Variants in UBAP2 observed in about 807,000 individuals in gnomAD.
UBAP2 encodes ubiquitin-associated protein 2.
Under a neutral mutation model 139.6 loss-of-function variants are expected in UBAP2, and 75 were observed. The ratio of observed to expected loss-of-function variants is 0.54; its 90% CI spans 0.45 to 0.65. The LOEUF is 0.65. UBAP2 is among the 30% of genes least tolerant of loss of function. UBAP2 has a pLI of 0.00. For missense variants in UBAP2, 1,368 were observed against 1,369.6 expected (o/e 1.00, Z 0.02); for synonymous variants, 526 against 526.2 (o/e 1.00, Z 0.01).
intron 1 of UBAP2, among the ~76,000 whole-genome samples, chr9:34,044,366 A>G (rs976613252): frequency 4.6e-5 from 7 of 151,020 alleles, no homozygotes; most frequent in African/African-American, 1.7e-4. Context: ...GCGCCACTGC[A>G]CTCCAGCCTG....
Position 33,923,979 on chromosome 9 carries a change from C to A in UBAP2, c.2612G>T (p.Arg871Leu), listed in dbSNP as rs746060246. Residue 871 changes from arginine (R) to leucine (L), a missense_variant, in exon 24 of 29, where the codon CGT becomes CTT. Physicochemically the swap from Arg to Leu is moderately radical, Grantham distance 102. Transcript: ENST00000379238. ...PYPGDVTKFG[R>L]GDSASPAPAT... ...GGGTGCAGGGGATGCAGAGTCCCCA[C>A]GGCCAAACTTTGTGACATCACCTAG... The A allele has an allele frequency of 2.5e-6, 4 of 1,613,846 alleles. No homozygotes were observed. The highest frequency in any genetic ancestry group is 3.3e-5 in the Admixed American group (2 of 60,016).
intron 6 of UBAP2, among the ~76,000 whole-genome samples, chr9:33,978,043 T>C (rs1393114069): frequency 1.4e-5 from 2 of 147,358 alleles, no homozygotes; most frequent in Admixed American, 6.8e-5. Flanking sequence ...AAAAGACTGA[T>C]CTGTAATCCC....
At chr9:33,964,929 AT>A (rs1479967394) in intron 8 of UBAP2, among the ~76,000 whole-genome samples, 1 of 152,122 alleles carries the variant, frequency 6.6e-6, no homozygotes, top group African/African-American at 2.4e-5. Context: ...GGAATTTTTC[AT>A]TTCCTTTAAA....
intron 1 of UBAP2, among the ~76,000 whole-genome samples, chr9:34,038,651 C>T (rs903763529): frequency 3.9e-5 from 6 of 152,140 alleles, no homozygotes; most frequent in African/African-American, 9.7e-5. Flanking sequence ...ACCTCCCACC[C>T]GCCTGCCTTG....
intron 13 of UBAP2, 145 bp from the exon 14 acceptor site, chr9:33,944,784 C>A: frequency 1.1e-6 from 1 of 949,222 alleles, no homozygotes; most frequent in Non-Finnish European, 1.5e-6. Flanking sequence ...TGTAACACTT[C>A]ATTTATGATA....
At chr9:34,015,291 A>G (rs145967427) in intron 2 of UBAP2, among the ~76,000 whole-genome samples, 1 of 152,182 alleles carries the variant, frequency 6.6e-6, no homozygotes, top group East Asian at 1.9e-4. Flanking sequence ...AGGAGGAGGG[A>G]GTATTTAACA....
intron 6 of UBAP2, among the ~76,000 whole-genome samples, chr9:33,984,822 G>A (rs553519279): frequency 1.3e-5 from 2 of 152,040 alleles, no homozygotes; most frequent in Non-Finnish European, 2.9e-5. Context: ...CAGTTAGAAC[G>A]GCTATTATCA....
intron 1 of UBAP2, among the ~76,000 whole-genome samples, chr9:34,033,737 T>C (rs562739895): frequency 1.6e-3 from 236 of 151,498 alleles, no homozygotes; most frequent in African/African-American, 5.6e-3. Flanking sequence ...ATCAAATCAA[T>C]TCTTTTTTTT....
intron 1 of UBAP2, among the ~76,000 whole-genome samples, chr9:34,039,847 T>TAAAAAAAAAAAAAAAA (rs74180526): frequency 2.4e-4 from 20 of 84,400 alleles, no homozygotes; most frequent in East Asian, 4.0e-4. Flanking sequence ...CAATAAATAC[T>TAAAAAAAAAAAAAAAA]AAAAAAAAAA....
At chr9:34,017,914 G>A (rs1186532463) in intron 1 of UBAP2, among the ~76,000 whole-genome samples, 1 of 150,470 alleles carries the variant, frequency 6.6e-6, no homozygotes, top group Non-Finnish European at 1.5e-5. Flanking sequence ...GCGACAGAGC[G>A]AGACTCCGTC....
chr9:33,962,068 A>G (rs775379153), intron 9 of UBAP2, among the ~76,000 whole-genome samples: 3 of 152,200 alleles, frequency 2.0e-5, no homozygotes, highest in Non-Finnish European at 2.9e-5. Context: ...GGATGAAGTT[A>G]ATGAAAGCCA....
intron 2 of UBAP2, 52 bp downstream of exon 2, chr9:34,016,998 A>G (rs1824413890): frequency 7.5e-7 from 1 of 1,326,252 alleles, no homozygotes; most frequent in Non-Finnish European, 1.0e-6. Context: ...TTCAAGTATA[A>G]TAATAAAAGA....
chr9:34,047,787 C>G (rs1827735313), intron 1 of UBAP2, among the ~76,000 whole-genome samples: 1 of 152,178 alleles, frequency 6.6e-6, no homozygotes, highest in African/African-American at 2.4e-5. Flanking sequence ...GGAGGCCAGC[C>G]TGGGCAACAT....
intron 1 of UBAP2, among the ~76,000 whole-genome samples, chr9:34,037,268 G>A (rs1016858750): frequency 1.3e-5 from 2 of 152,128 alleles, no homozygotes; most frequent in Non-Finnish European, 2.9e-5. Flanking sequence ...GATTACAGGC[G>A]TGAGCCACCG....
chr9:33,998,657 A>G, intron 3 of UBAP2, 130 bp downstream of exon 3: 1 of 737,966 alleles, frequency 1.4e-6, no homozygotes, highest in African/African-American at 1.8e-5. Flanking sequence ...CCAAAATCCA[A>G]TATACAGATT....
At chr9:33,966,464 AT>A (rs1827466603) in intron 8 of UBAP2, among the ~76,000 whole-genome samples, 1 of 152,212 alleles carries the variant, frequency 6.6e-6, no homozygotes, top group Non-Finnish European at 1.5e-5. Flanking sequence ...TCGAAAAAAA[AT>A]AAAATAAAAA....
At chr9:34,034,854 C>T (rs1482364336) in intron 1 of UBAP2, among the ~76,000 whole-genome samples, 1 of 147,418 alleles carries the variant, frequency 6.8e-6, no homozygotes, top group Non-Finnish European at 1.5e-5. Context: ...GCCTGGGAAA[C>T]AGCGAGACTC....
chr9:33,968,049 T>C (rs776763676), intron 8 of UBAP2: 22 of 431,162 alleles, frequency 5.1e-5, no homozygotes, highest in Non-Finnish European at 1.0e-4. Flanking sequence ...CAGTATCCAT[T>C]GATTTCTTCT....
At position 33,977,071 on chromosome 9, in the gene UBAP2, C is replaced by T. The variant is rs550283925; in HGVS notation, c.521-3834G>A. On this transcript the variant is annotated intron_variant, in intron 6 of 28. Coordinates refer to ENST00000379238, the MANE Select transcript of UBAP2 (RefSeq NM_001370062.2). ...TTTTTTTTTTTGAGACAGAGTCTCACCCTGTAGCCCAGGCTGGAGTGCAGT... is the reference window on the plus strand; with the variant it reads ...TTTTTTTTTTTGAGACAGAGTCTCATCCTGTAGCCCAGGCTGGAGTGCAGT... Among the ~76,000 whole-genome samples, 966 of 146,524 alleles carry T rather than the reference C, an allele frequency of 6.6e-3. 3 individuals carry two copies. The highest frequency in any genetic ancestry group is 0.01 in the Non-Finnish European group (697 of 66,922).
Sources: gnomAD v4.1 joint callset for allele counts (sites outside exome capture counted in the v4.1 genomes callset) on GRCh38, gnomAD v4.1.1 for gene constraint, MANE v1.5 for transcripts, NCBI Gene and HGNC (gene_info 2026-07-23, HGNC 2026-07-21) for gene names.